EIF3B: variants seen among roughly 807,000 people sequenced by gnomAD.
EIF3B encodes eukaryotic translation initiation factor 3 subunit 9.
EIF3B carries 10 observed loss-of-function variants against 104.6 expected under a neutral mutation model. The observed-to-expected ratio is 0.10, with a 90% CI of 0.06 to 0.16. The LOEUF is 0.16. EIF3B is among the 10% of genes least tolerant of loss of function. The pLI, the probability that EIF3B is intolerant of heterozygous loss-of-function variation, is 1.00. For synonymous variants in EIF3B, 542 were observed against 417.2 expected (o/e 1.30, Z -3.65); for missense variants, 1,014 against 1,087.9 (o/e 0.93, Z 0.96).
chr7:2,379,696 GC>G lies in EIF3B; in HGVS notation c.*14+188del. 5.2e-6 allele frequency: 3 copies of G among 582,456 alleles called. No individual in the cohort carries two copies. In the South Asian group the frequency reaches 5.9e-5, roughly 11 times the overall value. 36.1% of individuals were successfully genotyped at this position (582,456 alleles called of 1,614,324 possible). ...TCGGTGCCGACGTGGCCTCGACTGC[GC>G]CCTCTGACCACATTGCAGATGGCGC... On this transcript the variant is annotated intron_variant, in intron 18 of 18. Coordinates refer to ENST00000360876, the MANE Select transcript of EIF3B (RefSeq NM_001037283.2).
chr7:2,368,852 CT>C (rs1780167892), intron 9 of EIF3B, among the ~76,000 whole-genome samples: 1 of 152,246 alleles, frequency 6.6e-6, no homozygotes, highest in Non-Finnish European at 1.5e-5. Context: ...GACGTTTCTT[CT>C]TTCGTTTTTA....
intron 16 of EIF3B, 50 bp from the exon 17 acceptor site, chr7:2,379,084 G>A (rs1239095486): frequency 4.5e-6 from 7 of 1,541,952 alleles, no homozygotes; most frequent in Admixed American, 1.7e-5. Flanking sequence ...CTTCGCGATG[G>A]GGAGGCACTT....
chr7:2,366,498 AT>A (rs1466803238), intron 7 of EIF3B, 26 bp from the exon 8 acceptor site: 1 of 1,614,026 alleles, frequency 6.2e-7, no homozygotes, highest in Non-Finnish European at 8.5e-7. Context: ...TTTCATGGGA[AT>A]ACCCTGGCAC....
intron 1 of EIF3B, among the ~76,000 whole-genome samples, chr7:2,357,155 C>T (rs1041703086): frequency 6.6e-6 from 1 of 152,176 alleles, no homozygotes; most frequent in Non-Finnish European, 1.5e-5. Flanking sequence ...TTATTTGAGC[C>T]CATCGAATTC....
intron 1 of EIF3B, among the ~76,000 whole-genome samples, chr7:2,356,813 TAAA>T (rs1779471163): frequency 1.3e-5 from 2 of 151,764 alleles, no homozygotes; most frequent in South Asian, 4.1e-4. Context: ...AATTAAAAAA[TAAA>T]AACGCTGTCA....
intron 6 of EIF3B, among the ~76,000 whole-genome samples, 196 bp from the exon 7 acceptor site, chr7:2,366,121 G>A (rs1167033928): frequency 1.3e-5 from 2 of 152,088 alleles, no homozygotes; most frequent in Admixed American, 1.3e-4. Context: ...AAACCGGAGC[G>A]CCTGCAGCGT....
chr7:2,378,827 G>C, intron 16 of EIF3B, 61 bp downstream of exon 16: 1 of 1,453,734 alleles, frequency 6.9e-7, no homozygotes, highest in Admixed American at 1.7e-5. Flanking sequence ...GCAAAGGCGG[G>C]GCTGCGGGGA....
At chr7:2,370,604 G>A (rs537902189) in intron 10 of EIF3B, among the ~76,000 whole-genome samples, 6 of 152,264 alleles carry the variant, frequency 3.9e-5, no homozygotes, top group African/African-American at 1.4e-4. Flanking sequence ...GTGGTGAACT[G>A]GTTCAGTGGT....
intron 18 of EIF3B, chr7:2,379,985 CAT>C (rs1445254565): frequency 1.7e-4 from 44 of 257,338 alleles, no homozygotes; most frequent in South Asian, 1.7e-3. Context: ...AGCATGGGCA[CAT>C]GTGGGACAGA....
chr7:2,374,750 C>T (rs1780544404), intron 13 of EIF3B, 144 bp downstream of exon 13: 3 of 699,506 alleles, frequency 4.3e-6, no homozygotes, highest in Non-Finnish European at 7.1e-6. Flanking sequence ...GATAGGACTT[C>T]ATTGAACCTC....
Position 2,379,199 on chromosome 7 carries a change from G to A in EIF3B, c.2298G>A (p.Glu766=), listed in dbSNP as rs200135327. ...GGAAGTACCGGAAAATGGCCCAGGA[G>A]CTCTATATGGAGCAGAAAAACGAGC... ...DFRKYRKMAQ[E]LYMEQKNERL... Residue 766 remains glutamate (E), a synonymous_variant, in exon 17 of 19, where the codon GAG becomes GAA. Coordinates refer to ENST00000360876, the MANE Select transcript of EIF3B (RefSeq NM_001037283.2). The A allele has an allele frequency of 2.6e-4, 415 of 1,613,882 alleles. 1 individual carries two copies. Among genetic ancestry groups the A allele is most frequent in the Non-Finnish European group, 1.8e-4 (209 of 1,179,926 alleles).
In EIF3B at chr7:2,379,357, T is replaced by C. The variant is rs1232504116; in HGVS notation, c.2342-37T>C. ...GGCCTCGGCGGTGCCACTAGGCATGTGCCCCCATGGGTGATCTGCGCCCTT... is the reference window on the plus strand; with the variant it reads ...GGCCTCGGCGGTGCCACTAGGCATGCGCCCCCATGGGTGATCTGCGCCCTT... On this transcript the variant is annotated intron_variant, in intron 17 of 18. Transcript: ENST00000360876. The C allele has an allele frequency of 5.1e-6, 8 of 1,560,496 alleles. No homozygotes were observed. The African/African-American group carries it at 9.5e-5, about 19-fold the overall frequency.
rs1780853429 is a variant in EIF3B at position 2,379,102 on chromosome 7, C to T, written c.2233-32C>T. 4 of 1,595,558 alleles carry T rather than the reference C, an allele frequency of 2.5e-6. No homozygotes were observed. In the East Asian group the frequency reaches 6.7e-5, roughly 27 times the overall value. On this transcript the variant is annotated intron_variant, in intron 16 of 18. Coordinates refer to ENST00000360876, the MANE Select transcript of EIF3B (RefSeq NM_001037283.2). ...CGCGATGGGGAGGCACTTGTCTTAC[C>T]AGTTCTGTGCTTTCCCCAACCTCAT... is the stretch of plus-strand genomic sequence containing the variant.
chr7:2,359,341 C>T (rs991678634), intron 1 of EIF3B, among the ~76,000 whole-genome samples: 1 of 152,136 alleles, frequency 6.6e-6, no homozygotes, highest in Non-Finnish European at 1.5e-5. Flanking sequence ...CTCCCCCTGC[C>T]ACCCAGAAGG....
In EIF3B at chr7:2,369,604, G is replaced by C. The variant is rs764165905; in HGVS notation, c.1536G>C (p.Val512=). The C allele has an allele frequency of 6.2e-7, 1 of 1,614,052 alleles. No homozygotes were observed. Among genetic ancestry groups the C allele is most frequent in the Non-Finnish European group, 8.5e-7 (1 of 1,180,010 alleles). Residue 512 remains valine (V), a synonymous_variant, in exon 10 of 19, where the codon GTG becomes GTC. Transcript: ENST00000360876. ...QEIRVRNLFN[V]VDCKLHWQKN... ...TCCGAGTGAGGAACCTGTTCAATGT[G>C]GTGGACTGCAAGCTCCATTGGCAGA...
intron 10 of EIF3B, 49 bp from the exon 11 acceptor site, chr7:2,371,728 A>G (rs761921131): frequency 2.9e-6 from 4 of 1,379,704 alleles, no homozygotes; most frequent in South Asian, 2.3e-5. Context: ...ACCTTTTCTC[A>G]TATTTTCACT....
At chr7:2,362,521 G>A (rs764114096) in intron 2 of EIF3B, 124 bp from the exon 3 acceptor site, 1 of 1,243,316 alleles carries the variant, frequency 8.0e-7, no homozygotes. Context: ...TAGGCTCGAG[G>A]CAGGAAGAGC....
intron 4 of EIF3B, 117 bp downstream of exon 4, chr7:2,363,244 G>A (rs961716380): frequency 3.8e-6 from 4 of 1,049,620 alleles, no homozygotes; most frequent in Non-Finnish European, 5.9e-6. Flanking sequence ...CTTAAGCCCA[G>A]GAATTCAAGA....
At chr7:2,367,824 A>ATTTTTTTTTT (rs1562484073) in intron 9 of EIF3B, among the ~76,000 whole-genome samples, 4 of 101,724 alleles carry the variant, frequency 3.9e-5, no homozygotes, top group African/African-American at 1.6e-4. Context: ...CTTTTTTTAA[A>ATTTTTTTTTT]ATTTTTTTTT....
Sources: gnomAD v4.1 joint callset for allele counts (sites outside exome capture counted in the v4.1 genomes callset) on GRCh38, gnomAD v4.1.1 for gene constraint, MANE v1.5 for transcripts, NCBI Gene and HGNC (gene_info 2026-07-23, HGNC 2026-07-21) for gene names.